GCA: variants seen among roughly 807,000 people sequenced by gnomAD.
GCA encodes grancalcin, also known as grancalcin, EF-hand calcium-binding protein.
GCA carries 30 observed loss-of-function variants against 32.6 expected under a neutral mutation model. The observed-to-expected ratio is 0.92, with a 90% CI of 0.69 to 1.25. The LOEUF (loss-of-function observed/expected upper bound fraction) is 1.25. Ranked by LOEUF, GCA falls within the 50% of genes most tolerant of loss-of-function variation. The pLI, the probability that GCA is intolerant of heterozygous loss-of-function variation, is 0.00. For missense variants in GCA, 291 were observed against 266.8 expected (o/e 1.09, Z -0.63); for synonymous variants, 102 against 84.6 (o/e 1.21, Z -1.13).
intron 3 of GCA, 136 bp downstream of exon 3, chr2:162,352,543 A>T: frequency 1.7e-6 from 1 of 602,092 alleles, no homozygotes; most frequent in South Asian, 2.1e-5. Flanking sequence ...AAATAACTGT[A>T]AAACTCGTTA....
intron 2 of GCA, 123 bp downstream of exon 2, chr2:162,347,865 T>C (rs1684788955): frequency 2.0e-6 from 1 of 500,980 alleles, no homozygotes; most frequent in African/African-American, 2.0e-5. Context: ...TCTAGACTAA[T>C]TTTTTTCCTG....
At chr2:162,374,424 C>T (rs1401945593), downstream of GCA, among the ~76,000 whole-genome samples, 1 of 152,014 alleles carries the variant, frequency 6.6e-6, no homozygotes, top group Non-Finnish European at 1.5e-5. Context: ...GGTCAGATTC[C>T]CCTCCTTTGC....
intron 7 of GCA, 27 bp from the exon 8 acceptor site, chr2:162,360,190 T>C (rs1685503713): frequency 7.6e-7 from 1 of 1,317,170 alleles, no homozygotes. Context: ...TTATTCTTAA[T>C]AGATAATAAT....
At chr2:162,324,323 G>A (rs1328911688) in intron 1 of GCA, among the ~76,000 whole-genome samples, 2 of 152,132 alleles carry the variant, frequency 1.3e-5, no homozygotes, top group East Asian at 3.9e-4. Context: ...TATATTGAGT[G>A]GAGGTAGCTC....
At chr2:162,358,388 G>A (rs930757898) in intron 5 of GCA, among the ~76,000 whole-genome samples, 5 of 151,518 alleles carry the variant, frequency 3.3e-5, no homozygotes, top group African/African-American at 9.6e-5. Flanking sequence ...TACTGGGAGT[G>A]AATGATCAAA....
At chr2:162,341,892 A>G (rs1684465978), upstream of GCA, among the ~76,000 whole-genome samples, 2 of 152,208 alleles carry the variant, frequency 1.3e-5, no homozygotes, top group African/African-American at 4.8e-5. Context: ...AGTGGGAATA[A>G]TAACATATAC....
chr2:162,338,687 T>A (rs1684350479), intron 1 of GCA, among the ~76,000 whole-genome samples: 1 of 152,196 alleles, frequency 6.6e-6, no homozygotes, highest in South Asian at 2.1e-4. Flanking sequence ...GCAACTTGGA[T>A]TTAAAATTTA....
downstream of GCA, chr2:162,372,233 C>T: frequency 1.4e-6 from 1 of 700,920 alleles, no homozygotes; most frequent in Non-Finnish European, 2.3e-6. Context: ...ACATTTCCCT[C>T]CTAAAATGAG....
At chr2:162,322,823 T>C (rs2105252415) in intron 1 of GCA, among the ~76,000 whole-genome samples, 1 of 151,782 alleles carries the variant, frequency 6.6e-6, no homozygotes, top group African/African-American at 2.4e-5. Flanking sequence ...GACATTTGGG[T>C]TGGTTCCAAG....
intron 1 of GCA, among the ~76,000 whole-genome samples, chr2:162,336,988 G>A (rs1242588036): frequency 6.6e-6 from 1 of 152,104 alleles, no homozygotes; most frequent in East Asian, 1.9e-4. Flanking sequence ...AACGCTAACT[G>A]AGATTTGTTT....
At chr2:162,356,595 T>C in intron 4 of GCA, 114 bp downstream of exon 4, 3 of 859,228 alleles carry the variant, frequency 3.5e-6, no homozygotes, top group East Asian at 2.4e-5. Context: ...AAAAATACTT[T>C]GTAAGATCCT....
chr2:162,333,980 C>A (rs1278137414), intron 1 of GCA, among the ~76,000 whole-genome samples: 1 of 152,216 alleles, frequency 6.6e-6, no homozygotes, highest in Non-Finnish European at 1.5e-5. Context: ...TAAGGCTCAT[C>A]TTATTCCCTG....
downstream of GCA, chr2:162,371,607 A>G: frequency 2.4e-6 from 2 of 819,834 alleles, no homozygotes; most frequent in Non-Finnish European, 1.8e-6. Flanking sequence ...GTGCCGTGAG[A>G]TGCTGGCAGT....
At chr2:162,340,966 C>A (rs1209115026), upstream of GCA, among the ~76,000 whole-genome samples, 2 of 152,060 alleles carry the variant, frequency 1.3e-5, no homozygotes, top group Non-Finnish European at 2.9e-5. Context: ...TTAACCTTGA[C>A]TTAGGTTTCC....
Position 162,352,401 on chromosome 2 carries a change from TA to T in GCA, c.257del (p.Tyr86SerfsTer12). The T allele has an allele frequency of 6.4e-7, 1 of 1,553,686 alleles. No individual in the cohort carries two copies. Among genetic ancestry groups the T allele is most frequent in the Non-Finnish European group, 8.9e-7 (1 of 1,125,676 alleles). On this transcript the variant is annotated frameshift_variant, in exon 3 of 8. Coordinates refer to ENST00000437150, the MANE Select transcript of GCA (RefSeq NM_012198.5). LOFTEE classifies it high-confidence loss of function. ...GACACAGTCTGGAATTAATGGAACT[TA>T]CTCTCGTGAGATCTTTTTTCCCCTT... ...CLTQSGINGT[Y>X]SPFSLETCRI...
chr2:162,329,295 A>G (rs770059026), intron 1 of GCA, among the ~76,000 whole-genome samples: 2 of 150,612 alleles, frequency 1.3e-5, no homozygotes, highest in African/African-American at 2.4e-5. Flanking sequence ...CAGCACTTCT[A>G]TATCTATATT....
At chr2:162,366,811 G>A (rs1451859137), downstream of GCA, among the ~76,000 whole-genome samples, 1 of 151,906 alleles carries the variant, frequency 6.6e-6, no homozygotes, top group Non-Finnish European at 1.5e-5. Flanking sequence ...ATATAAGGAT[G>A]CTATCTATAC....
At position 162,344,241 on chromosome 2, in the gene GCA, C is replaced by T. The variant is rs1161234553; in HGVS notation, c.-8C>T. 4 of 1,613,664 alleles carry T rather than the reference C, an allele frequency of 2.5e-6. No homozygotes were observed. Among genetic ancestry groups the T allele is most frequent in the African/African-American group, 1.3e-5 (1 of 74,930 alleles). On this transcript the variant is annotated 5_prime_UTR_variant, in exon 1 of 8. Coordinates refer to ENST00000437150, the MANE Select transcript of GCA (RefSeq NM_012198.5). ...AGGGTGACGCTCGCTCCGCTCGTCC[C>T]GCTCGTCATGGCCTACCCGGGATAC...
intron 1 of GCA, among the ~76,000 whole-genome samples, chr2:162,338,410 T>C (rs557990643): frequency 6.6e-6 from 1 of 152,170 alleles, no homozygotes; most frequent in African/African-American, 2.4e-5. Context: ...TAACTGACAC[T>C]ACACAGAAGC....
Sources: gnomAD v4.1 joint callset for allele counts (sites outside exome capture counted in the v4.1 genomes callset) on GRCh38, gnomAD v4.1.1 for gene constraint, MANE v1.5 for transcripts, NCBI Gene and HGNC (gene_info 2026-07-23, HGNC 2026-07-21) for gene names.